PALLD: variants seen among roughly 807,000 people sequenced by gnomAD.
PALLD encodes palladin, cytoskeletal associated protein, also known as palladin.
In PALLD, 61 loss-of-function variants were observed where a neutral mutation model predicts 123.5. The observed-to-expected ratio is 0.49, with a 90% confidence interval of 0.40 to 0.61. The LOEUF (loss-of-function observed/expected upper bound fraction) is 0.61, where lower values mean the gene tolerates loss of function less well. Ranked by LOEUF, PALLD falls within the 20% of genes least tolerant of loss-of-function variation. The pLI is 0.00. For synonymous variants in PALLD, 465 were observed against 496.4 expected, an observed-to-expected ratio of 0.94 and a Z score of 0.84; for missense variants, 1,273 against 1,377.0, an observed-to-expected ratio of 0.92 and a Z score of 1.20.
chr4:168,565,451 G>C (rs890516132), intron 2 of PALLD, among the ~76,000 whole-genome samples: 5 of 152,160 alleles, frequency 3.3e-5, no homozygotes, highest in Non-Finnish European at 7.4e-5. Context: ...GAAGGAAGGT[G>C]TTCCAGACCA....
At chr4:168,572,468 A>G (rs1443849840) in intron 2 of PALLD, among the ~76,000 whole-genome samples, 1 of 152,102 alleles carries the variant, frequency 6.6e-6, no homozygotes, top group Admixed American at 6.6e-5. Flanking sequence ...ACAGCGGTAG[A>G]AAAATATTAA....
intron 1 of PALLD, chr4:168,504,825 C>T (rs576076546): frequency 6.6e-6 from 1 of 152,294 alleles, no homozygotes; most frequent in South Asian, 2.1e-4. Flanking sequence ...TCTTTCAATG[C>T]TACTTACTAA....
At chr4:168,879,949 CAG>C (rs1330647812) in intron 10 of PALLD, among the ~76,000 whole-genome samples, 9 of 152,114 alleles carry the variant, frequency 5.9e-5, no homozygotes, top group African/African-American at 1.9e-4. Context: ...CCCAAAGAGC[CAG>C]AGTTTGTTGC....
intron 2 of PALLD, among the ~76,000 whole-genome samples, chr4:168,549,087 T>C (rs1160148873): frequency 6.6e-6 from 1 of 152,118 alleles, no homozygotes; most frequent in Non-Finnish European, 1.5e-5. Flanking sequence ...GAAAATATAA[T>C]TATCTCAGAA....
At chr4:168,693,679 A>C (rs186794299) in intron 8 of PALLD, among the ~76,000 whole-genome samples, 116 of 152,286 alleles carry the variant, frequency 7.6e-4, no homozygotes, top group Non-Finnish European at 1.5e-3. Context: ...CTGTCAATAC[A>C]CCAAAAAATA....
chr4:168,865,916 T>G (rs1001404940), intron 10 of PALLD, among the ~76,000 whole-genome samples: 1 of 152,134 alleles, frequency 6.6e-6, no homozygotes, highest in Non-Finnish European at 1.5e-5. Flanking sequence ...CACAGTCACT[T>G]CTACCCGGGA....
intron 16 of PALLD, among the ~76,000 whole-genome samples, chr4:168,915,287 T>C (rs1759875467): frequency 6.6e-6 from 1 of 152,232 alleles, no homozygotes; most frequent in Non-Finnish European, 1.5e-5. Flanking sequence ...CTTTCAACTG[T>C]ATTCCTCTTA....
chr4:168,683,526 C>A (rs1781753517), intron 5 of PALLD, among the ~76,000 whole-genome samples: 1 of 152,118 alleles, frequency 6.6e-6, no homozygotes, highest in African/African-American at 2.4e-5. Flanking sequence ...TAAGAAAAAA[C>A]AACTCAAATT....
chr4:168,503,137 C>T (rs924896053), intron 1 of PALLD, among the ~76,000 whole-genome samples: 5 of 152,164 alleles, frequency 3.3e-5, no homozygotes, highest in East Asian at 1.9e-4. Context: ...CATACAAAGA[C>T]GCCAGTCACA....
intron 2 of PALLD, among the ~76,000 whole-genome samples, chr4:168,655,620 T>C (rs1778483154): frequency 6.6e-6 from 1 of 152,218 alleles, no homozygotes; most frequent in Non-Finnish European, 1.5e-5. Flanking sequence ...AGCGAAGCCT[T>C]TTGAATTCTA....
intron 10 of PALLD, among the ~76,000 whole-genome samples, chr4:168,741,016 G>A (rs956972288): frequency 6.6e-6 from 1 of 152,242 alleles, no homozygotes; most frequent in African/African-American, 2.4e-5. Flanking sequence ...AGGAAGAGAA[G>A]TTTATTTAAT....
chr4:168,573,599 G>T (rs1424250330), intron 2 of PALLD, among the ~76,000 whole-genome samples: 1 of 152,096 alleles, frequency 6.6e-6, no homozygotes, highest in Non-Finnish European at 1.5e-5. Context: ...AATTTAGAGA[G>T]ATGATTGCTA....
At position 168,498,195 on chromosome 4, in the gene PALLD, G is replaced by A. The variant is rs547257518; in HGVS notation, c.-83+1001G>A. 4.6e-5 allele frequency among the ~76,000 whole-genome samples: 7 copies of A among 152,252 alleles called. No individual in the cohort carries two copies. The South Asian group carries it at 1.4e-3, about 32-fold the overall frequency. ...ATTGCTAACAGCAGAAAAGGCCGATGAGGTTTATCTGGCCACTAACTGCCC... is the reference window on the plus strand; with the variant it reads ...ATTGCTAACAGCAGAAAAGGCCGATAAGGTTTATCTGGCCACTAACTGCCC... On this transcript the variant is annotated intron_variant, in intron 1 of 21. Coordinates refer to ENST00000505667, the MANE Select transcript of PALLD (RefSeq NM_001166108.2).
At chr4:168,591,025 C>T (rs143420967) in intron 2 of PALLD, among the ~76,000 whole-genome samples, 54 of 151,782 alleles carry the variant, frequency 3.6e-4, no homozygotes, top group African/African-American at 1.2e-3. Flanking sequence ...GATTACGGGC[C>T]TGTGCCACCA....
intron 2 of PALLD, among the ~76,000 whole-genome samples, chr4:168,553,169 T>C (rs1465315072): frequency 6.6e-6 from 1 of 151,828 alleles, no homozygotes; most frequent in Non-Finnish European, 1.5e-5. Flanking sequence ...AAGTGAGGAG[T>C]TTGGATTTGA....
chr4:168,876,835 A>T (rs904084995), intron 10 of PALLD, among the ~76,000 whole-genome samples: 1 of 152,108 alleles, frequency 6.6e-6, no homozygotes, highest in Non-Finnish European at 1.5e-5. Flanking sequence ...TTTGACAGCT[A>T]TTGGTCCCTA....
intron 2 of PALLD, among the ~76,000 whole-genome samples, chr4:168,587,166 G>T (rs1002301538): frequency 6.6e-6 from 1 of 152,132 alleles, no homozygotes; most frequent in African/African-American, 2.4e-5. Context: ...GAAGAATGCG[G>T]GTGTGTAGAT....
In PALLD at chr4:168,683,040, A is replaced by T; in HGVS notation, c.1197A>T (p.Ser399=). The change falls in exon 5 of 22, where the codon TCA becomes TCT. Residue 399 remains serine (S), a synonymous_variant. Coordinates refer to ENST00000505667, the MANE Select transcript of PALLD (RefSeq NM_001166108.2). ...KTTSVSLTIG[S]SSPKTGVTTA... is the part of the protein sequence containing the mutation. Reference sequence around the variant, plus strand: ...CTTCTGTTTCCTTGACAATAGGATCATCATCTCCAAAGACAGGGGTGACCA... The same window carrying T: ...CTTCTGTTTCCTTGACAATAGGATCTTCATCTCCAAAGACAGGGGTGACCA... 6.2e-7 allele frequency: 1 copy of T among 1,613,106 alleles called. No homozygotes were observed. The highest frequency in any genetic ancestry group is 8.5e-7 in the Non-Finnish European group (1 of 1,179,086).
chr4:168,697,450 G>A (rs548156500), intron 8 of PALLD, among the ~76,000 whole-genome samples: 4 of 152,320 alleles, frequency 2.6e-5, no homozygotes, highest in African/African-American at 7.2e-5. Context: ...CTCGTGTCTC[G>A]AGGGACAAAT....
Sources: gnomAD v4.1 joint callset for allele counts (sites outside exome capture counted in the v4.1 genomes callset) on GRCh38, gnomAD v4.1.1 for gene constraint, MANE v1.5 for transcripts, NCBI Gene and HGNC (gene_info 2026-07-23, HGNC 2026-07-21) for gene names.